The following IQGAP1 variants were observed in gnomAD, a reference collection of about 807,000 sequenced individuals.
The protein encoded by IQGAP1 is IQ motif containing GTPase activating protein 1.
Under a neutral mutation model 215.6 loss-of-function variants are expected in IQGAP1, and 66 were observed. The ratio of observed to expected loss-of-function variants is 0.31; its 90% CI spans 0.25 to 0.38. The LOEUF (loss-of-function observed/expected upper bound fraction) is 0.38, where lower values mean the gene tolerates loss of function less well. Among genes scored for constraint, IQGAP1 ranks in the 10% least tolerant of loss-of-function variants. The pLI, the probability that IQGAP1 is intolerant of heterozygous loss-of-function variation, is 1.00. For synonymous variants in IQGAP1, 772 were observed against 728.7 expected (o/e 1.06, Z -0.96); for missense variants, 1,712 against 1,997.1 (o/e 0.86, Z 2.72).
At chr15:90,388,464 T>C in intron 1 of IQGAP1, 68 bp downstream of exon 1, 1 of 505,716 alleles carries the variant, frequency 2.0e-6, no homozygotes, top group Non-Finnish European at 3.0e-6. Context: ...GCGATTTTCC[T>C]GGGGGCTCGG....
rs778800149 is a variant in IQGAP1, at chr15:90,482,035, C to T, written c.3405C>T (p.Ile1135=). ...TGAAGACACGGCTAGACAGCTCCAT[C>T]AGGAACATGCGGGCTGTGACAGACA... The part of the protein sequence containing the change: ...EEVKTRLDSS[I]RNMRAVTDKF... The change falls in exon 27 of 38, where the codon ATC becomes ATT. Residue 1135 remains isoleucine, a synonymous_variant. Transcript: ENST00000268182. 1.2e-6 allele frequency: 2 copies of T among 1,614,218 alleles called. No individual in the cohort carries two copies. The highest frequency in any genetic ancestry group is 1.7e-6 in the Non-Finnish European group (2 of 1,180,038).
chr15:90,409,836 A>G (rs2657950), intron 2 of IQGAP1, among the ~76,000 whole-genome samples: 88,693 of 152,008 alleles, frequency 0.58, 27,890 homozygotes, highest in East Asian at 0.83. Context: ...TTAATGAGCG[A>G]CATTCTAACT....
intron 2 of IQGAP1, 118 bp from the exon 3 acceptor site, chr15:90,425,992 G>A (rs997839773): frequency 2.2e-6 from 2 of 893,402 alleles, no homozygotes; most frequent in Admixed American, 3.5e-5. Flanking sequence ...GATTGTAAAA[G>A]AGTGCTATTA....
chr15:90,402,400 G>T (rs1052123464), intron 2 of IQGAP1, among the ~76,000 whole-genome samples: 2 of 152,174 alleles, frequency 1.3e-5, no homozygotes, highest in African/African-American at 4.8e-5. Context: ...AGGAGGAGAG[G>T]CCTGTCTAAA....
intron 4 of IQGAP1, among the ~76,000 whole-genome samples, chr15:90,432,935 T>C (rs1464733410): frequency 6.6e-6 from 1 of 152,204 alleles, no homozygotes; most frequent in African/African-American, 2.4e-5. Context: ...ATCTACTCTG[T>C]TCCTATCCTA....
chr15:90,462,489 T>G (rs8042091), intron 15 of IQGAP1, among the ~76,000 whole-genome samples: 3,429 of 152,296 alleles, frequency 0.023, 115 homozygotes, highest in African/African-American at 0.077. Flanking sequence ...TACAGATTTG[T>G]GTATGTGTGT....
Position 90,399,383 on chromosome 15 carries a change from A to G in IQGAP1, c.155+8510A>G, listed in dbSNP as rs1012813842. Among the ~76,000 whole-genome samples the G allele has an allele frequency of 2.6e-5, 4 of 152,058 alleles. No individual in the cohort carries two copies. The East Asian group carries it at 5.8e-4, about 22-fold the overall frequency. ...TTTTCTTACATATTTGTTTATCAGT[A>G]TTATTTTCTTATGCAAATTTTCTGT... On this transcript the variant is annotated intron_variant, in intron 2 of 37. Coordinates refer to ENST00000268182, the MANE Select transcript of IQGAP1 (RefSeq NM_003870.4).
rs10701656 is a variant in IQGAP1 at position 90,392,748 on chromosome 15, C to CTTTTTTTTTTTTT, written c.155+1880_155+1892dup. ...TTTCTTGATTGAAGAATGTTTCTAT[C>CTTTTTTTTTTTTT]TTTTTTTTTTTTTTTTTGTACAGTC... On this transcript the variant is annotated intron_variant, in intron 2 of 37. Transcript: ENST00000268182. 1.3e-4 allele frequency among the ~76,000 whole-genome samples: 15 copies of CTTTTTTTTTTTTT among 117,806 alleles called. 2 individuals carry two copies. Among genetic ancestry groups the CTTTTTTTTTTTTT allele is most frequent in the African/African-American group, 3.8e-4 (11 of 28,830 alleles). The allele number at this position is 117,806 out of a possible 152,430, so 77.3% of individuals were successfully genotyped here.
chr15:90,430,848 A>G (rs1345806444), intron 4 of IQGAP1, among the ~76,000 whole-genome samples: 1 of 150,868 alleles, frequency 6.6e-6, no homozygotes, highest in Admixed American at 6.6e-5. Flanking sequence ...TGTTCAATAT[A>G]GAAATATTGT....
At chr15:90,445,801 C>T (rs980303245) in intron 9 of IQGAP1, among the ~76,000 whole-genome samples, 1 of 150,880 alleles carries the variant, frequency 6.6e-6, no homozygotes, top group East Asian at 1.9e-4. Context: ...TTACCAATTG[C>T]ATAGGATTGG....
chr15:90,469,734 A>T (rs1451690424), intron 18 of IQGAP1, among the ~76,000 whole-genome samples: 3 of 152,224 alleles, frequency 2.0e-5, no homozygotes, highest in Admixed American at 2.0e-4. Context: ...ATATTTTAGC[A>T]GCTGAGGAAA....
intron 2 of IQGAP1, among the ~76,000 whole-genome samples, chr15:90,395,914 C>G (rs774977236): frequency 2.4e-4 from 37 of 152,156 alleles, no homozygotes; most frequent in Non-Finnish European, 4.7e-4. Context: ...CAGACAATTC[C>G]TGGTGTGCGC....
At chr15:90,473,039 A>G (rs776342415) in intron 19 of IQGAP1, 29 bp downstream of exon 19, 2 of 1,604,082 alleles carry the variant, frequency 1.2e-6, no homozygotes, top group Non-Finnish European at 1.7e-6. Flanking sequence ...CACAGACAGC[A>G]AGCGGGCATC....
intron 18 of IQGAP1, among the ~76,000 whole-genome samples, chr15:90,472,239 C>T (rs1277956196): frequency 6.6e-6 from 1 of 152,212 alleles, no homozygotes; most frequent in Non-Finnish European, 1.5e-5. Flanking sequence ...TGTACCACTG[C>T]ACTCCAGCCT....
chr15:90,415,185 G>C (rs1402513023), intron 2 of IQGAP1, among the ~76,000 whole-genome samples: 1 of 152,154 alleles, frequency 6.6e-6, no homozygotes, highest in African/African-American at 2.4e-5. Context: ...TAGTAAGATT[G>C]AGAAATTTTC....
intron 23 of IQGAP1, 178 bp downstream of exon 23, chr15:90,474,871 G>C (rs1402423677): frequency 3.4e-6 from 2 of 582,790 alleles, no homozygotes; most frequent in East Asian, 5.8e-5. Flanking sequence ...GTAGTGCGAT[G>C]TGATCTCAGC....
chr15:90,390,921 A>G, intron 2 of IQGAP1, 48 bp downstream of exon 2: 1 of 1,095,888 alleles, frequency 9.1e-7, no homozygotes, highest in Non-Finnish European at 1.4e-6. Context: ...GGAACTGATA[A>G]TAGTGTGAAT....
In IQGAP1 at chr15:90,482,626, ACT is replaced by A. The variant is rs1966075186; in HGVS notation, c.3555+348_3555+349del. The A allele has an allele frequency of 9.0e-6, 5 of 557,290 alleles. No individual in the cohort carries two copies. In the South Asian group the frequency reaches 1.6e-4, roughly 17 times the overall value. The allele number at this position is 557,290 out of a possible 1,614,324, so 34.5% of individuals were successfully genotyped here. Reference sequence around the variant, plus strand: ...GTTTCTGCTAAGGCTGTTGCTGATAACTCTTTCTTACTCAGCTATGCTCTTCT... The same window carrying A: ...GTTTCTGCTAAGGCTGTTGCTGATAACTTTCTTACTCAGCTATGCTCTTCT... On this transcript the variant is annotated intron_variant, in intron 28 of 37. Coordinates refer to ENST00000268182, the MANE Select transcript of IQGAP1 (RefSeq NM_003870.4).
At chr15:90,447,947 G>C (rs928213245) in intron 9 of IQGAP1, among the ~76,000 whole-genome samples, 5 of 152,080 alleles carry the variant, frequency 3.3e-5, no homozygotes, top group Non-Finnish European at 7.4e-5. Context: ...GCACAGGTTG[G>C]ACCACCCTTG....
Sources: allele counts gnomAD v4.1 joint callset (sites outside exome capture counted in the v4.1 genomes callset), GRCh38; gene constraint gnomAD v4.1.1; transcripts MANE v1.5; gene names NCBI Gene and HGNC (gene_info 2026-07-23, HGNC 2026-07-21).